RB1CC1: variants seen among roughly 807,000 people sequenced by gnomAD.
The protein encoded by RB1CC1 is RB1-inducible coiled-coil protein 1.
RB1CC1 carries 46 observed loss-of-function variants against 177.5 expected under a neutral mutation model. The ratio of observed to expected loss-of-function variants is 0.26; its 90% CI spans 0.20 to 0.33. The LOEUF is 0.33. Among genes scored for constraint, RB1CC1 ranks in the 10% least tolerant of loss-of-function variants. RB1CC1 has a pLI of 1.00. For missense variants in RB1CC1, 1,703 were observed against 1,816.3 expected, an observed-to-expected ratio of 0.94 and a Z score of 1.13; for synonymous variants, 666 against 613.6, an observed-to-expected ratio of 1.09 and a Z score of -1.26.
intron 12 of RB1CC1, among the ~76,000 whole-genome samples, chr8:52,660,300 A>C (rs960521941): frequency 2.0e-5 from 3 of 152,080 alleles, no homozygotes; most frequent in Non-Finnish European, 4.4e-5. Context: ...GAAGGGTGGA[A>C]AGAAAAAAAG....
chr8:52,692,134 AG>A (rs1854929430), intron 1 of RB1CC1, among the ~76,000 whole-genome samples: 1 of 152,236 alleles, frequency 6.6e-6, no homozygotes, highest in Admixed American at 6.5e-5. Flanking sequence ...GTGTGAACAC[AG>A]GTCAATAAAT....
intron 5 of RB1CC1, among the ~76,000 whole-genome samples, chr8:52,678,596 A>G (rs1853377949): frequency 6.6e-6 from 1 of 152,198 alleles, no homozygotes; most frequent in Non-Finnish European, 1.5e-5. Context: ...GGATGCAACG[A>G]AAGAGGAAGT....
rs763046654 is a variant in RB1CC1, at chr8:52,674,043, A to G, written c.804T>C (p.Asp268=). ...FPKSVEHVSP[D]TADAESGKEI... ...CTTTGCCACTTTCAGCATCTGCGGTATCTGGGGACACATGTTCCACTGACT... is the reference window on the plus strand; with the variant it reads ...CTTTGCCACTTTCAGCATCTGCGGTGTCTGGGGACACATGTTCCACTGACT... Residue 268 remains aspartate, a synonymous_variant, in exon 7 of 24, where the codon GAT becomes GAC. Transcript: ENST00000025008. 137 of 1,614,082 alleles carry G rather than the reference A, an allele frequency of 8.5e-5. No individual in the cohort carries two copies. Among genetic ancestry groups the G allele is most frequent in the Non-Finnish European group, 1.1e-4 (133 of 1,180,034 alleles).
intron 18 of RB1CC1, 85 bp downstream of exon 18, chr8:52,642,266 T>C: frequency 6.7e-7 from 1 of 1,487,878 alleles, no homozygotes; most frequent in Non-Finnish European, 9.0e-7. Context: ...CAACCAGTAA[T>C]GCTAAAAATA....
At chr8:52,713,406 G>C (rs1432840820) in intron 1 of RB1CC1, among the ~76,000 whole-genome samples, 2 of 152,220 alleles carry the variant, frequency 1.3e-5, no homozygotes, top group Non-Finnish European at 2.9e-5. Flanking sequence ...TCTACTGTTG[G>C]TTAATGTATT....
At chr8:52,629,223 A>G (rs1233793804) in intron 21 of RB1CC1, among the ~76,000 whole-genome samples, 2 of 152,240 alleles carry the variant, frequency 1.3e-5, no homozygotes, top group Admixed American at 6.5e-5. Context: ...CAACAAATTT[A>G]GAAATTTAGA....
At chr8:52,643,811 T>C (rs1348255144) in intron 16 of RB1CC1, among the ~76,000 whole-genome samples, 4 of 152,026 alleles carry the variant, frequency 2.6e-5, no homozygotes, top group Non-Finnish European at 5.9e-5. Context: ...CTGCCCAGCA[T>C]TTCTAATTCC....
chr8:52,690,499 GA>G (rs1854743819), intron 1 of RB1CC1, among the ~76,000 whole-genome samples: 1 of 152,170 alleles, frequency 6.6e-6, no homozygotes, highest in South Asian at 2.1e-4. Flanking sequence ...GAGTGGGTAG[GA>G]AGAACGACTT....
At chr8:52,654,549 C>CA (rs1850914603) in intron 15 of RB1CC1, among the ~76,000 whole-genome samples, 2 of 152,282 alleles carry the variant, frequency 1.3e-5, no homozygotes, top group East Asian at 3.9e-4. Context: ...CCCAGTGAGC[C>CA]ATGGAGAACC....
chr8:52,699,647 G>GA (rs373480962), intron 1 of RB1CC1, among the ~76,000 whole-genome samples: 59,679 of 123,374 alleles, frequency 0.48, 14,779 homozygotes, highest in East Asian at 0.81. Context: ...TGTCTCTAGT[G>GA]AAAAAAAAAA....
chr8:52,643,696 CAAAAAAAAAAAAA>C (rs34520917), intron 16 of RB1CC1, among the ~76,000 whole-genome samples: 1 of 81,058 alleles, frequency 1.2e-5, no homozygotes, highest in South Asian at 4.8e-4. Context: ...CTCTAAGAGG[CAAAAAAAAAAAAA>C]AAAAAAAAAA....
intron 3 of RB1CC1, among the ~76,000 whole-genome samples, chr8:52,684,545 G>A (rs1433438750): frequency 6.6e-6 from 1 of 152,164 alleles, no homozygotes; most frequent in Non-Finnish European, 1.5e-5. Flanking sequence ...CGTTGGAAAT[G>A]ATATTTACTA....
intron 1 of RB1CC1, among the ~76,000 whole-genome samples, chr8:52,709,680 G>A (rs2150727301): frequency 6.6e-6 from 1 of 152,344 alleles, no homozygotes; most frequent in South Asian, 2.1e-4. Flanking sequence ...AGTGGTTGTA[G>A]TGAGCCTAGA....
chr8:52,626,881 C>T (rs1021161030), intron 22 of RB1CC1, among the ~76,000 whole-genome samples: 2 of 152,080 alleles, frequency 1.3e-5, no homozygotes, highest in Non-Finnish European at 2.9e-5. Context: ...GACCCTGCCT[C>T]TACAAAACAA....
chr8:52,684,102 G>A (rs368015211), intron 3 of RB1CC1, 89 bp from the exon 4 acceptor site: 3 of 1,393,378 alleles, frequency 2.2e-6, no homozygotes, highest in Non-Finnish European at 1.9e-6. Flanking sequence ...ACACCTTAGA[G>A]GTTAATGAAT....
intron 20 of RB1CC1, among the ~76,000 whole-genome samples, chr8:52,634,469 T>G (rs1848984776): frequency 6.6e-6 from 1 of 151,158 alleles, no homozygotes; most frequent in Non-Finnish European, 1.5e-5. Flanking sequence ...GAGGTTGCAG[T>G]GAGTCGAGAT....
At chr8:52,691,734 C>T (rs1199995735) in intron 1 of RB1CC1, among the ~76,000 whole-genome samples, 1 of 152,166 alleles carries the variant, frequency 6.6e-6, no homozygotes, top group Non-Finnish European at 1.5e-5. Flanking sequence ...CACTAACTGC[C>T]AGCTACCAAA....
At position 52,656,676 on chromosome 8, in the gene RB1CC1, A is replaced by C; in HGVS notation, c.3153T>G (p.Ser1051=). The C allele has an allele frequency of 6.2e-7, 1 of 1,613,922 alleles. No individual in the cohort carries two copies. Residue 1051 remains serine (S), a synonymous_variant, in exon 15 of 24, where the codon TCT becomes TCG. Coordinates refer to ENST00000025008, the MANE Select transcript of RB1CC1 (RefSeq NM_014781.5). ...ACTTGCATCTCGTGTCTGACAAATC[A>C]GAAACCTTGAGTTTTAATTCCTGTA... ...KQLQELKLKV[S]DLSDTRCKLE...
intron 20 of RB1CC1, among the ~76,000 whole-genome samples, chr8:52,632,388 T>A (rs144077597): frequency 6.6e-6 from 1 of 152,262 alleles, no homozygotes; most frequent in South Asian, 2.1e-4. Flanking sequence ...AAAAGAGAAA[T>A]AACACAACAA....
Sources: allele counts gnomAD v4.1 joint callset (sites outside exome capture counted in the v4.1 genomes callset), GRCh38; gene constraint gnomAD v4.1.1; transcripts MANE v1.5; gene names NCBI Gene and HGNC (gene_info 2026-07-23, HGNC 2026-07-21).